The following GALNT13 variants were observed in gnomAD, a reference collection of about 807,000 sequenced individuals.
GALNT13 encodes polypeptide N-acetylgalactosaminyltransferase 13, also known as UDP-GalNAc:polypeptide N-acetylgalactosaminyltransferase 13.
In GALNT13, 28 loss-of-function variants were observed where a neutral mutation model predicts 64.2. The observed-to-expected ratio is 0.44, with a 90% CI of 0.32 to 0.60. The LOEUF (loss-of-function observed/expected upper bound fraction) is 0.60, where lower values mean the gene tolerates loss of function less well. Among genes scored for constraint, GALNT13 ranks in the 20% least tolerant of loss-of-function variants. The pLI is 0.05. For synonymous variants in GALNT13, 214 were observed against 224.6 expected, an observed-to-expected ratio of 0.95 and a Z score of 0.42; for missense variants, 577 against 669.8, an observed-to-expected ratio of 0.86 and a Z score of 1.53.
the GALNT13 span, among the ~76,000 whole-genome samples, chr2:153,723,428 A>T: frequency 6.7e-6 from 1 of 149,610 alleles, no homozygotes; most frequent in East Asian, 2.0e-4. Context: ...GCTCCTATTC[A>T]ACATAGTGTT....
chr2:153,344,597 C>A, the GALNT13 span, among the ~76,000 whole-genome samples: 1 of 151,904 alleles, frequency 6.6e-6, no homozygotes, highest in South Asian at 2.1e-4. Flanking sequence ...TTATAGAAAG[C>A]AATGTGTTAC....
chr2:153,749,590 T>C, the GALNT13 span, among the ~76,000 whole-genome samples: 1 of 152,074 alleles, frequency 6.6e-6, no homozygotes, highest in Non-Finnish European at 1.5e-5. Context: ...TTTAACTTTA[T>C]ATGTGGCTAT....
upstream of GALNT13, among the ~76,000 whole-genome samples, chr2:153,870,868 A>C (rs1685879373): frequency 6.6e-6 from 1 of 151,938 alleles, no homozygotes; most frequent in Non-Finnish European, 1.5e-5. Context: ...TGTGAGAAGC[A>C]AGGACCCCTG....
At chr2:154,067,279 C>A (rs1458461180) in intron 3 of GALNT13, among the ~76,000 whole-genome samples, 1 of 151,910 alleles carries the variant, frequency 6.6e-6, no homozygotes, top group Non-Finnish European at 1.5e-5. Context: ...GGATTACATC[C>A]TTACTTATCA....
chr2:154,053,227 TG>T (rs1699733290), intron 3 of GALNT13, among the ~76,000 whole-genome samples: 1 of 152,180 alleles, frequency 6.6e-6, no homozygotes, highest in Admixed American at 6.5e-5. Context: ...GTTCCAAAAC[TG>T]GATTTCTGTG....
intron 5 of GALNT13, 95 bp downstream of exon 5, chr2:154,242,291 C>G: frequency 9.9e-7 from 1 of 1,005,286 alleles, no homozygotes; most frequent in Non-Finnish European, 1.5e-6. Flanking sequence ...AAAAAGATAA[C>G]TAGGCAATGA....
At chr2:153,533,344 C>CA in the GALNT13 span, among the ~76,000 whole-genome samples, 1 of 151,968 alleles carries the variant, frequency 6.6e-6, no homozygotes, top group Non-Finnish European at 1.5e-5. Context: ...CTCTGCCCCC[C>CA]AGGTTCAAGC....
At chr2:153,504,960 C>T in the GALNT13 span, among the ~76,000 whole-genome samples, 2 of 152,152 alleles carry the variant, frequency 1.3e-5, no homozygotes, top group Non-Finnish European at 2.9e-5. Context: ...AGGATTGGTA[C>T]CAATTCTTCC....
intron 2 of GALNT13, among the ~76,000 whole-genome samples, chr2:153,942,670 G>T (rs1400386081): frequency 6.7e-6 from 1 of 148,630 alleles, no homozygotes; most frequent in African/African-American, 2.5e-5. Context: ...TGTATTCTTT[G>T]GATTTACATA....
the GALNT13 span, among the ~76,000 whole-genome samples, chr2:153,618,883 G>T: frequency 6.6e-6 from 1 of 151,564 alleles, no homozygotes; most frequent in Admixed American, 6.6e-5. Context: ...ATCTTTTTCT[G>T]TCCCTTTATT....
chr2:153,585,616 C>T, the GALNT13 span, among the ~76,000 whole-genome samples: 2 of 151,938 alleles, frequency 1.3e-5, no homozygotes, highest in South Asian at 2.1e-4. Flanking sequence ...ACGAGTTTGC[C>T]GCAGTATATC....
At chr2:153,308,098 A>G in the GALNT13 span, among the ~76,000 whole-genome samples, 1 of 152,188 alleles carries the variant, frequency 6.6e-6, no homozygotes, top group East Asian at 1.9e-4. Flanking sequence ...GAAACTGATG[A>G]AAACCTGGGG....
At chr2:153,177,508 T>C in the GALNT13 span, among the ~76,000 whole-genome samples, 3 of 152,204 alleles carry the variant, frequency 2.0e-5, no homozygotes, top group Admixed American at 1.3e-4. Context: ...TAATGAGAAA[T>C]ATTATCAGAT....
intron 3 of GALNT13, among the ~76,000 whole-genome samples, chr2:154,015,995 C>T (rs965171918): frequency 3.9e-5 from 6 of 152,128 alleles, no homozygotes; most frequent in Non-Finnish European, 8.8e-5. Flanking sequence ...TTGTGTTGAG[C>T]AGTTACCAGC....
intron 4 of GALNT13, among the ~76,000 whole-genome samples, chr2:154,204,567 A>G (rs930658930): frequency 2.0e-5 from 3 of 152,212 alleles, no homozygotes; most frequent in Non-Finnish European, 4.4e-5. Context: ...ACCACATTCC[A>G]TCTTCCACAG....
At chr2:153,132,272 G>C in the GALNT13 span, among the ~76,000 whole-genome samples, 2 of 152,162 alleles carry the variant, frequency 1.3e-5, no homozygotes, top group Non-Finnish European at 2.9e-5. Context: ...CAAAGAGCAA[G>C]AGAAAAACCC....
chr2:153,118,811 A>G, the GALNT13 span, among the ~76,000 whole-genome samples: 5 of 152,210 alleles, frequency 3.3e-5, no homozygotes, highest in South Asian at 2.1e-4. Flanking sequence ...TTCATATTAT[A>G]GGTGAGAAGA....
the GALNT13 span, among the ~76,000 whole-genome samples, chr2:153,861,379 G>A: frequency 1.3e-5 from 2 of 152,072 alleles, no homozygotes; most frequent in South Asian, 4.1e-4. Context: ...GTTAGTTTGT[G>A]GACCCTTGGC....
the GALNT13 span, among the ~76,000 whole-genome samples, chr2:153,686,251 C>A: frequency 1.3e-5 from 2 of 151,918 alleles, no homozygotes; most frequent in African/African-American, 2.4e-5. Context: ...TGACCATTTT[C>A]ACAATATTGA....
Sources: gnomAD v4.1 joint callset for allele counts (sites outside exome capture counted in the v4.1 genomes callset) on GRCh38, gnomAD v4.1.1 for gene constraint, MANE v1.5 for transcripts, NCBI Gene and HGNC (gene_info 2026-07-23, HGNC 2026-07-21) for gene names.